DDX43: variants seen among roughly 807,000 people sequenced by gnomAD.
DDX43 encodes probable ATP-dependent RNA helicase DDX43.
A neutral mutation model predicts 84.9 loss-of-function variants in DDX43; 50 were observed. The ratio of observed to expected loss-of-function variants is 0.59; its 90% confidence interval spans 0.47 to 0.75. The LOEUF (loss-of-function observed/expected upper bound fraction) is 0.75. DDX43 is among the 30% of genes least tolerant of loss of function. The pLI, the probability that DDX43 is intolerant of heterozygous loss-of-function variation, is 0.00. For missense variants in DDX43, 689 were observed against 798.6 expected (o/e 0.86, Z 1.65); for synonymous variants, 291 against 266.3 (o/e 1.09, Z -0.90).
chr6:73,397,667 A>T (rs1348141678), intron 1 of DDX43, 22 bp from the exon 2 acceptor site: 1 of 1,576,660 alleles, frequency 6.3e-7, no homozygotes, highest in East Asian at 2.2e-5. Flanking sequence ...ATAACAATAT[A>T]TTCCTTTATT....
In DDX43 at chr6:73,413,665, G is replaced by A. The variant is rs747832131; in HGVS notation, c.1376G>A (p.Ser459Asn). The change falls in exon 12 of 17, where the codon AGT (serine) becomes AAT (asparagine). Residue 459 changes from serine to asparagine, a missense_variant. By Grantham distance (46) the Ser-to-Asn change is conservative (BLOSUM62 1). Transcript: ENST00000370336. The part of the protein sequence containing the change: ...YVGTLDLVAV[S>N]SVKQNIIVTT... ...GTTCTTTGAATCCTTTAGGCTGTAA[G>A]TTCAGTGAAGCAAAATATAATTGTA... is the stretch of plus-strand genomic sequence containing the variant. 5 of 1,613,394 alleles carry A rather than the reference G, an allele frequency of 3.1e-6. No homozygotes were observed. In the Admixed American group the frequency reaches 6.7e-5, roughly 22 times the overall value.
intron 5 of DDX43, among the ~76,000 whole-genome samples, chr6:73,405,419 G>C (rs1273214914): frequency 6.6e-6 from 1 of 152,134 alleles, no homozygotes; most frequent in African/African-American, 2.4e-5. Flanking sequence ...TGATTTTCAG[G>C]CTCCTCATCT....
intron 3 of DDX43, among the ~76,000 whole-genome samples, chr6:73,401,619 G>T: frequency 6.6e-6 from 1 of 151,946 alleles, no homozygotes; most frequent in Non-Finnish European, 1.5e-5. Flanking sequence ...TGGCTAACAC[G>T]GTGAAACCCC....
At chr6:73,411,510 G>A (rs576453326) in intron 10 of DDX43, among the ~76,000 whole-genome samples, 1 of 151,640 alleles carries the variant, frequency 6.6e-6, no homozygotes, top group East Asian at 2.0e-4. Context: ...TGTATTTTTA[G>A]TAGGCACAGA....
chr6:73,395,943 T>G (rs193177319), intron 1 of DDX43, among the ~76,000 whole-genome samples: 73 of 152,136 alleles, frequency 4.8e-4, no homozygotes, highest in African/African-American at 1.6e-3. Context: ...CATTCAATTC[T>G]GAATTTTTAA....
In DDX43 at chr6:73,416,137, A is replaced by G. The variant is rs1769894149; in HGVS notation, c.1858A>G (p.Met620Val). Residue 620 changes from methionine (M) to valine (V), a missense_variant, in exon 16 of 17, where the codon ATG becomes GTG. Met to Val is a conservative substitution (Grantham distance 21, BLOSUM62 1). Around this residue, in one of 2 missense-constraint regions of DDX43, gnomAD observed 552 missense variants for 692.7 expected, o/e 0.80. Transcript: ENST00000370336. ...GAGTATTCCAGAGGAGCTTGTATCA[A>G]TGGCTGAGAGGTTTAAGGCACATCA... ...NQSIPEELVS[M>V]AERFKAHQQK... 2 of 1,575,882 alleles carry G rather than the reference A, an allele frequency of 1.3e-6. No homozygotes were observed. The highest frequency in any genetic ancestry group is 1.7e-6 in the Non-Finnish European group (2 of 1,144,916).
At position 73,409,497 on chromosome 6, in the gene DDX43, G is replaced by A. The variant is rs554996990; in HGVS notation, c.1280+149G>A. The A allele has an allele frequency of 2.8e-4, 182 of 653,812 alleles. No homozygotes were observed. The African/African-American group carries it at 2.9e-3, about 10-fold the overall frequency. The allele number at this position is 653,812 out of a possible 1,614,324, so 40.5% of individuals were successfully genotyped here. On this transcript the variant is annotated intron_variant, in intron 10 of 16. Coordinates refer to ENST00000370336, the MANE Select transcript of DDX43 (RefSeq NM_018665.3). ...CTCATAACATTGGAAGTAGAACAGT[G>A]TAACAATAAGTGCTTATTCATGACT...
intron 2 of DDX43, among the ~76,000 whole-genome samples, chr6:73,400,017 C>G (rs1769535991): frequency 6.6e-6 from 1 of 152,164 alleles, no homozygotes; most frequent in African/African-American, 2.4e-5. Context: ...TGTCCTGCCC[C>G]TCTCCATCTG....
chr6:73,396,278 G>T (rs1252605073), intron 1 of DDX43, among the ~76,000 whole-genome samples: 3 of 152,162 alleles, frequency 2.0e-5, no homozygotes, highest in African/African-American at 7.2e-5. Context: ...ATTTAAAAAT[G>T]ATTAGAATGA....
chr6:73,397,030 A>G (rs1769486555), intron 1 of DDX43, among the ~76,000 whole-genome samples: 1 of 152,146 alleles, frequency 6.6e-6, no homozygotes, highest in African/African-American at 2.4e-5. Context: ...TGGAAGTGCA[A>G]TATATCTTTG....
intron 8 of DDX43, 75 bp downstream of exon 8, chr6:73,407,690 C>A (rs1459239935): frequency 2.8e-6 from 3 of 1,077,472 alleles, no homozygotes; most frequent in Non-Finnish European, 4.2e-6. Flanking sequence ...TCTTCCCCAT[C>A]ATTTTTCACA....
At chr6:73,406,079 A>G (rs1349838984) in intron 6 of DDX43, among the ~76,000 whole-genome samples, 1 of 150,038 alleles carries the variant, frequency 6.7e-6, no homozygotes, top group Admixed American at 6.7e-5. Context: ...GCTGGAATGC[A>G]GTGGTGCAAT....
At chr6:73,416,576 G>A (rs1343579960) in intron 16 of DDX43, among the ~76,000 whole-genome samples, 3 of 152,132 alleles carry the variant, frequency 2.0e-5, no homozygotes, top group Admixed American at 2.0e-4. Context: ...GAACCTTGAG[G>A]ACATTATGCT....
At chr6:73,397,023 A>G (rs12665048) in intron 1 of DDX43, among the ~76,000 whole-genome samples, 5,674 of 152,268 alleles carry the variant, frequency 0.037, 347 homozygotes, top group East Asian at 0.16. Context: ...ATGAAAATGG[A>G]AGTGCAATAT....
intron 9 of DDX43, among the ~76,000 whole-genome samples, chr6:73,408,753 A>G (rs1769729889): frequency 6.6e-6 from 1 of 151,952 alleles, no homozygotes; most frequent in South Asian, 2.1e-4. Flanking sequence ...ACGAGGTTTC[A>G]TCATGTTGGC....
chr6:73,417,173 T>C lies in DDX43; in HGVS notation c.*26-14T>C, dbSNP rs1769920899. 6.6e-6 allele frequency: 1 copy of C among 152,220 alleles called. No homozygotes were observed. Among genetic ancestry groups the C allele is most frequent in the Non-Finnish European group, 1.5e-5 (1 of 68,044 alleles). 9.4% of individuals were successfully genotyped at this position (152,220 alleles called of 1,614,324 possible). A position where few individuals can be genotyped will look rare whatever the true frequency, so the allele number is the denominator to read the frequency against. On this transcript the variant is annotated splice_polypyrimidine_tract_variant and intron_variant, in intron 16 of 16. Coordinates refer to ENST00000370336, the MANE Select transcript of DDX43 (RefSeq NM_018665.3). The stretch of plus-strand genomic sequence containing the variant: ...GTTGGGGTCAGCAATTTACATTTTT[T>C]TTCTATTTTTCAGAATTCAAGATTT...
intron 2 of DDX43, 51 bp downstream of exon 2, chr6:73,397,795 G>C: frequency 6.7e-7 from 1 of 1,502,660 alleles, no homozygotes; most frequent in Non-Finnish European, 9.3e-7. Context: ...GCATTTCTAA[G>C]GGAGCACCTA....
intron 11 of DDX43, among the ~76,000 whole-genome samples, chr6:73,412,502 G>T (rs567984012): frequency 1.2e-3 from 174 of 148,544 alleles, no homozygotes; most frequent in African/African-American, 4.0e-3. Flanking sequence ...TATATGTATA[G>T]AGAGAGAGAG....
rs1342153234 is a variant in DDX43 at position 73,394,911 on chromosome 6, C to T, written c.6C>T (p.Ser2=). M[S]HHGGAPKAST... is the part of the protein sequence containing the mutation. ...ACGCGCCCCTTCTTGGAACAATGTC[C>T]CACCACGGAGGAGCTCCCAAGGCCT... The change falls in exon 1 of 17, where the codon TCC becomes TCT. Residue 2 remains serine, a synonymous_variant. Transcript: ENST00000370336. The T allele has an allele frequency of 1.9e-6, 3 of 1,613,990 alleles. No homozygotes were observed. The highest frequency in any genetic ancestry group is 1.7e-6 in the Non-Finnish European group (2 of 1,179,976).
Sources: allele counts gnomAD v4.1 joint callset (sites outside exome capture counted in the v4.1 genomes callset), GRCh38; gene constraint gnomAD v4.1.1; regional missense constraint gnomAD v4.1.1; transcripts MANE v1.5; gene names NCBI Gene and HGNC (gene_info 2026-07-23, HGNC 2026-07-21).